FARS2: variants seen among roughly 807,000 people sequenced by gnomAD.
FARS2 encodes phenylalanine--tRNA ligase, mitochondrial.
FARS2 carries 40 observed loss-of-function variants against 46.4 expected under a neutral mutation model. That is an observed-to-expected ratio of 0.86 (90% CI 0.67 to 1.12). FARS2 has a LOEUF of 1.12. FARS2 is among the 50% of genes most tolerant of loss of function. The probability of loss-of-function intolerance (pLI) is 0.00; values close to 1 mark genes in which losing one functional copy is unlikely to be tolerated. For missense variants in FARS2, 513 were observed against 567.9 expected (o/e 0.90, Z 0.98); for synonymous variants, 234 against 214.9 (o/e 1.09, Z -0.78).
At chr6:5,297,579 C>T (rs1342185339) in intron 1 of FARS2, among the ~76,000 whole-genome samples, 3 of 151,852 alleles carry the variant, frequency 2.0e-5, no homozygotes, top group South Asian at 2.1e-4. Context: ...ACCCAGGAGG[C>T]GGAGGTTGCA....
At chr6:5,475,061 T>C (rs1766041348) in intron 4 of FARS2, among the ~76,000 whole-genome samples, 1 of 152,120 alleles carries the variant, frequency 6.6e-6, no homozygotes. Flanking sequence ...GGAAGAACCA[T>C]ATACAAGGTG....
At chr6:5,301,143 T>C in intron 1 of FARS2, among the ~76,000 whole-genome samples, 1 of 152,276 alleles carries the variant, frequency 6.6e-6, no homozygotes, top group East Asian at 1.9e-4. Context: ...TTATTTTTCT[T>C]CTCTATAATT....
intron 6 of FARS2, among the ~76,000 whole-genome samples, chr6:5,741,943 C>T (rs556718765): frequency 2.6e-5 from 4 of 152,346 alleles, no homozygotes; most frequent in East Asian, 3.9e-4. Context: ...TGAGCCACCA[C>T]GCCCAGCTGG....
At chr6:5,483,734 A>G (rs1582236593) in intron 4 of FARS2, among the ~76,000 whole-genome samples, 1 of 152,150 alleles carries the variant, frequency 6.6e-6, no homozygotes, top group African/African-American at 2.4e-5. Flanking sequence ...GACTTAGAAT[A>G]TGGTATAAAA....
chr6:5,298,232 C>T (rs1768034677), intron 1 of FARS2, among the ~76,000 whole-genome samples: 1 of 152,218 alleles, frequency 6.6e-6, no homozygotes, highest in Non-Finnish European at 1.5e-5. Context: ...ATGTCACTCT[C>T]TGTCTCCACT....
intron 6 of FARS2, among the ~76,000 whole-genome samples, chr6:5,699,458 C>T (rs1758288526): frequency 6.6e-6 from 1 of 152,066 alleles, no homozygotes; most frequent in African/African-American, 2.4e-5. Flanking sequence ...CCTCTCAGGC[C>T]CCACCCCAGA....
chr6:5,491,474 G>A (rs1017573151), intron 4 of FARS2, among the ~76,000 whole-genome samples: 2 of 152,084 alleles, frequency 1.3e-5, no homozygotes, highest in Non-Finnish European at 2.9e-5. Context: ...CTAAAGTGAC[G>A]TCGAGTTAAG....
At chr6:5,337,920 A>G (rs1051040783) in intron 1 of FARS2, among the ~76,000 whole-genome samples, 1 of 152,252 alleles carries the variant, frequency 6.6e-6, no homozygotes, top group Non-Finnish European at 1.5e-5. Flanking sequence ...CTGGGAAAGC[A>G]TCAAGTTTAG....
At chr6:5,390,470 C>T (rs1039703600) in intron 2 of FARS2, among the ~76,000 whole-genome samples, 3 of 152,180 alleles carry the variant, frequency 2.0e-5, no homozygotes, top group African/African-American at 7.2e-5. Context: ...ACTGTTACTT[C>T]AAGGATTATT....
intron 4 of FARS2, among the ~76,000 whole-genome samples, chr6:5,464,353 C>A (rs1257369789): frequency 1.3e-5 from 2 of 152,200 alleles, no homozygotes; most frequent in Non-Finnish European, 2.9e-5. Context: ...CCTGGACTGG[C>A]CCTCAGGCCA....
At chr6:5,549,100 C>A (rs1048735420) in intron 5 of FARS2, among the ~76,000 whole-genome samples, 3 of 151,732 alleles carry the variant, frequency 2.0e-5, no homozygotes, top group South Asian at 4.2e-4. Flanking sequence ...ATCCACCCAA[C>A]TGGGCTAAAG....
chr6:5,403,060 AT>A (rs1348461994), intron 2 of FARS2, among the ~76,000 whole-genome samples: 1 of 152,142 alleles, frequency 6.6e-6, no homozygotes, highest in Non-Finnish European at 1.5e-5. Context: ...ATTGTGTTCA[AT>A]AGTTTTATTT....
At chr6:5,268,098 A>C (rs1378558990) in intron 1 of FARS2, among the ~76,000 whole-genome samples, 11 of 152,106 alleles carry the variant, frequency 7.2e-5, no homozygotes, top group East Asian at 1.9e-4. Context: ...TAGATTCTGG[A>C]TATTAGCCCT....
intron 1 of FARS2, among the ~76,000 whole-genome samples, chr6:5,365,170 G>T (rs778183282): frequency 6.6e-6 from 1 of 151,282 alleles, no homozygotes; most frequent in Non-Finnish European, 1.5e-5. Flanking sequence ...GTGTTTTATT[G>T]GATTTACTTA....
chr6:5,251,574 T>G, the FARS2 span, among the ~76,000 whole-genome samples: 1 of 152,122 alleles, frequency 6.6e-6, no homozygotes, highest in Non-Finnish European at 1.5e-5. Context: ...CCGGATCTCA[T>G]GAGAACTCAC....
chr6:5,649,223 C>G (rs1186016770), intron 6 of FARS2, among the ~76,000 whole-genome samples: 3 of 152,182 alleles, frequency 2.0e-5, no homozygotes, highest in Non-Finnish European at 4.4e-5. Context: ...GCATATATCT[C>G]TCTTCCATGC....
chr6:5,460,564 T>G (rs1765186167), intron 4 of FARS2, among the ~76,000 whole-genome samples: 1 of 152,114 alleles, frequency 6.6e-6, no homozygotes, highest in Admixed American at 6.5e-5. Flanking sequence ...TATCTGCCAC[T>G]TTGGGATGGG....
chr6:5,467,429 TAAC>T (rs1765570694), intron 4 of FARS2, among the ~76,000 whole-genome samples: 1 of 152,202 alleles, frequency 6.6e-6, no homozygotes, highest in African/African-American at 2.4e-5. Context: ...GCTTATGAGC[TAAC>T]AACATTTGCC....
intron 4 of FARS2, among the ~76,000 whole-genome samples, chr6:5,476,635 A>G (rs1766139720): frequency 6.6e-6 from 1 of 152,182 alleles, no homozygotes; most frequent in Non-Finnish European, 1.5e-5. Flanking sequence ...TTTATAAAAT[A>G]TCATGGGGAG....
Sources: allele counts gnomAD v4.1 joint callset (sites outside exome capture counted in the v4.1 genomes callset), GRCh38; gene constraint gnomAD v4.1.1; transcripts MANE v1.5; gene names NCBI Gene and HGNC (gene_info 2026-07-23, HGNC 2026-07-21).